The following ZSWIM6 variants were observed in gnomAD, a reference collection of about 807,000 sequenced individuals.
ZSWIM6 encodes the protein zinc finger SWIM domain-containing protein 6.
In ZSWIM6, 9 loss-of-function variants were observed where a neutral mutation model predicts 113.2. The ratio of observed to expected loss-of-function variants is 0.08; its 90% CI spans 0.05 to 0.14. The LOEUF (loss-of-function observed/expected upper bound fraction) is 0.14. Ranked by LOEUF, ZSWIM6 falls within the 10% of genes least tolerant of loss-of-function variation. The probability of loss-of-function intolerance (pLI) is 1.00; values close to 1 mark genes in which losing one functional copy is unlikely to be tolerated. For synonymous variants in ZSWIM6, 611 were observed against 606.5 expected (o/e 1.01, Z -0.11); for missense variants, 1,162 against 1,552.2 (o/e 0.75, Z 4.22).
At chr5:61,380,043 A>G (rs1436094291) in intron 1 of ZSWIM6, among the ~76,000 whole-genome samples, 1 of 151,918 alleles carries the variant, frequency 6.6e-6, no homozygotes, top group Non-Finnish European at 1.5e-5. Flanking sequence ...GGACTATTTC[A>G]TTCTGTTTAT....
intron 4 of ZSWIM6, among the ~76,000 whole-genome samples, chr5:61,510,056 G>A (rs959542422): frequency 1.3e-4 from 20 of 151,666 alleles, no homozygotes; most frequent in African/African-American, 9.7e-5. Flanking sequence ...AGAAATTATC[G>A]TTCCTATTAG....
chr5:61,479,380 A>C (rs1226625444), intron 2 of ZSWIM6, among the ~76,000 whole-genome samples: 1 of 152,100 alleles, frequency 6.6e-6, no homozygotes, highest in East Asian at 1.9e-4. Context: ...GAATGCAAAA[A>C]CAGCCAGGTT....
chr5:61,353,444 T>C (rs988404760), intron 1 of ZSWIM6, among the ~76,000 whole-genome samples: 3 of 152,172 alleles, frequency 2.0e-5, no homozygotes, highest in Non-Finnish European at 4.4e-5. Flanking sequence ...GCCTCCCAGC[T>C]CTCAAGTGGG....
At chr5:61,449,629 G>A (rs935764918) in intron 1 of ZSWIM6, among the ~76,000 whole-genome samples, 1 of 152,152 alleles carries the variant, frequency 6.6e-6, no homozygotes, top group African/African-American at 2.4e-5. Flanking sequence ...CACCTCAAAA[G>A]GTATTTGGTA....
chr5:61,530,344 G>C, intron 8 of ZSWIM6, 146 bp downstream of exon 8: 1 of 802,998 alleles, frequency 1.2e-6, no homozygotes, highest in South Asian at 2.8e-5. Context: ...AATGGGCACT[G>C]TCATGCTTTC....
chr5:61,494,117 C>A, intron 3 of ZSWIM6, 143 bp from the exon 4 acceptor site: 1 of 895,190 alleles, frequency 1.1e-6, no homozygotes, highest in Non-Finnish European at 1.6e-6. Context: ...CCCGCCTATC[C>A]TCCACCACAC....
intron 1 of ZSWIM6, among the ~76,000 whole-genome samples, chr5:61,342,170 C>T (rs930828015): frequency 1.5e-4 from 23 of 152,182 alleles, no homozygotes; most frequent in African/African-American, 4.6e-4. Flanking sequence ...TGAGTCACCA[C>T]ACCCGGCCTT....
In ZSWIM6 at chr5:61,544,692, C is replaced by G. The variant is rs936643026; in HGVS notation, c.*375C>G. ...AAATAATTGAAATGGCTTTAAAAAC[C>G]AAACAAAACACCTCCATCCTGTGAT... On this transcript the variant is annotated 3_prime_UTR_variant, in exon 14 of 14. Transcript: ENST00000252744. 43 of 152,886 alleles carry G rather than the reference C, an allele frequency of 2.8e-4. 1 individual carries two copies. The highest frequency in any genetic ancestry group is 2.4e-5 in the African/African-American group (1 of 41,400). The allele number at this position is 152,886 out of a possible 1,614,324, so 9.5% of individuals were successfully genotyped here. A position where few individuals can be genotyped will look rare whatever the true frequency, so the allele number is the denominator to read the frequency against.
rs765287667 is a variant in ZSWIM6 at position 61,541,874 on chromosome 5, G to A, written c.2704-10G>A. ...ATTTTCTAAAACATTTTGTTACCCT[G>A]TTTTTATAGGTTATGCGAATGACAC... On this transcript the variant is annotated splice_polypyrimidine_tract_variant and intron_variant, in intron 12 of 13. Coordinates refer to ENST00000252744, the MANE Select transcript of ZSWIM6 (RefSeq NM_020928.2). 24 of 1,543,702 alleles carry A rather than the reference G, an allele frequency of 1.6e-5. No individual in the cohort carries two copies. The highest frequency in any genetic ancestry group is 2.0e-5 in the Non-Finnish European group (23 of 1,141,678).
chr5:61,393,035 ATTTAT>A (rs1397668111), intron 1 of ZSWIM6, among the ~76,000 whole-genome samples: 1 of 151,104 alleles, frequency 6.6e-6, no homozygotes, highest in Non-Finnish European at 1.5e-5. Flanking sequence ...ACCTTTTTAT[ATTTAT>A]TTATTTATTT....
At chr5:61,438,584 T>G (rs1746760725) in intron 1 of ZSWIM6, among the ~76,000 whole-genome samples, 1 of 152,212 alleles carries the variant, frequency 6.6e-6, no homozygotes, top group Admixed American at 6.5e-5. Flanking sequence ...ATAATGCTAC[T>G]TAAGAGCACG....
At chr5:61,338,913 T>C (rs1744465473) in intron 1 of ZSWIM6, among the ~76,000 whole-genome samples, 1 of 152,202 alleles carries the variant, frequency 6.6e-6, no homozygotes, top group African/African-American at 2.4e-5. Context: ...AATAGAATTA[T>C]TGCAATTAAT....
intron 5 of ZSWIM6, among the ~76,000 whole-genome samples, chr5:61,524,076 G>C (rs544636277): frequency 6.6e-6 from 1 of 152,248 alleles, no homozygotes; most frequent in East Asian, 1.9e-4. Flanking sequence ...TATGATTTCA[G>C]CTTAACAAAA....
At chr5:61,372,361 T>C (rs1460670120) in intron 1 of ZSWIM6, among the ~76,000 whole-genome samples, 1 of 152,166 alleles carries the variant, frequency 6.6e-6, no homozygotes, top group Non-Finnish European at 1.5e-5. Flanking sequence ...TACTTCATTC[T>C]TTTAACTTTG....
At chr5:61,486,074 A>G (rs780939722) in intron 2 of ZSWIM6, among the ~76,000 whole-genome samples, 4 of 152,168 alleles carry the variant, frequency 2.6e-5, no homozygotes, top group Non-Finnish European at 4.4e-5. Flanking sequence ...TCACCTGGAT[A>G]ATGTACATTG....
At chr5:61,501,468 TA>T (rs982730154) in intron 4 of ZSWIM6, among the ~76,000 whole-genome samples, 1 of 152,090 alleles carries the variant, frequency 6.6e-6, no homozygotes, top group East Asian at 1.9e-4. Flanking sequence ...AAATACGAAT[TA>T]AAAAAATAGA....
intron 1 of ZSWIM6, among the ~76,000 whole-genome samples, chr5:61,368,521 G>A (rs1384077268): frequency 5.9e-5 from 9 of 152,104 alleles, no homozygotes; most frequent in African/African-American, 2.2e-4. Flanking sequence ...GTCTGCCTTT[G>A]GTTTTCCCTT....
chr5:61,351,609 G>GT (rs953046803), intron 1 of ZSWIM6, among the ~76,000 whole-genome samples: 6 of 152,072 alleles, frequency 3.9e-5, no homozygotes, highest in African/African-American at 9.7e-5. Context: ...CTTACTTGTG[G>GT]TTTTTTCAAT....
intron 1 of ZSWIM6, among the ~76,000 whole-genome samples, chr5:61,406,091 C>T (rs967266222): frequency 6.6e-6 from 1 of 152,138 alleles, no homozygotes; most frequent in African/African-American, 2.4e-5. Flanking sequence ...CAGAATTTCT[C>T]TTCCCTCCAG....
Sources: gnomAD v4.1 joint callset for allele counts (sites outside exome capture counted in the v4.1 genomes callset) on GRCh38, gnomAD v4.1.1 for gene constraint, MANE v1.5 for transcripts, NCBI Gene and HGNC (gene_info 2026-07-23, HGNC 2026-07-21) for gene names.